The following PLAT variants were observed in gnomAD, a reference collection of about 807,000 sequenced individuals.
PLAT encodes the protein plasminogen activator, tissue type, also known as tissue-type plasminogen activator.
A neutral mutation model predicts 74.9 loss-of-function variants in PLAT; 48 were observed. That is an observed-to-expected ratio of 0.64 (90% confidence interval 0.51 to 0.82). The LOEUF (loss-of-function observed/expected upper bound fraction) is 0.82, where lower values mean the gene tolerates loss of function less well. Among genes scored for constraint, PLAT ranks in the 40% least tolerant of loss-of-function variants. PLAT has a pLI of 0.00. For missense variants in PLAT, 673 were observed against 736.2 expected, an observed-to-expected ratio of 0.91 and a Z score of 0.99; for synonymous variants, 307 against 294.4, an observed-to-expected ratio of 1.04 and a Z score of -0.44.
intron 8 of PLAT, chr8:42,182,267 C>T: frequency 2.4e-6 from 1 of 415,340 alleles, no homozygotes; most frequent in South Asian, 2.2e-5. Flanking sequence ...GAGACTCAGT[C>T]AACCAATGAA....
intron 1 of PLAT, among the ~76,000 whole-genome samples, chr8:42,196,709 C>T (rs149402979): frequency 1.2e-4 from 18 of 151,810 alleles, no homozygotes; most frequent in African/African-American, 3.9e-4. Flanking sequence ...CTGGCGAGAC[C>T]CGGGTGAGAG....
At position 42,185,131 on chromosome 8, in the gene PLAT, T is replaced by A. The variant is rs766524635; in HGVS notation, c.581A>T (p.Lys194Met). Reference protein sequence around the residue: ...RDSKPWCYVFKAGKYSSEFCS... With the variant: ...RDSKPWCYVFMAGKYSSEFCS... The stretch of plus-strand genomic sequence containing the variant: ...GAACTCTGAGCTGTACTTCCCCGCC[T>A]TAAAGACGTAGCACCAGGGCTTTGA... Residue 194 changes from lysine to methionine, a missense_variant, in exon 7 of 14, where the codon AAG becomes ATG. Coordinates refer to ENST00000220809, the MANE Select transcript of PLAT (RefSeq NM_000930.5). 13 of 1,612,656 alleles carry A rather than the reference T, an allele frequency of 8.1e-6. No homozygotes were observed. The highest frequency in any genetic ancestry group is 1.1e-5 in the Non-Finnish European group (13 of 1,179,428).
chr8:42,183,832 A>T (rs915863934), intron 7 of PLAT, among the ~76,000 whole-genome samples: 2 of 152,102 alleles, frequency 1.3e-5, no homozygotes, highest in Non-Finnish European at 2.9e-5. Flanking sequence ...AGTCACAGGC[A>T]TCACCCGTGG....
Position 42,180,065 on chromosome 8 carries a change from C to T in PLAT, c.1224G>A (p.Ala408=), listed in dbSNP as rs748089209. The T allele has an allele frequency of 2.5e-6, 4 of 1,603,480 alleles. No homozygotes were observed. In the Admixed American group the frequency reaches 5.1e-5, roughly 20 times the overall value. The change falls in exon 12 of 14, where the codon GCG becomes GCA. Residue 408 remains alanine (A), a splice_region_variant and synonymous_variant. Transcript: ENST00000220809. ...FDDDTYDNDI[A]LLQLKSDSSR... ...ACGAATCCGATTTCAGCTGCAGCAG[C>T]GCTGGGAGGGAGAAAGGAGGAGTGA... is the stretch of plus-strand genomic sequence containing the variant.
intron 9 of PLAT, among the ~76,000 whole-genome samples, chr8:42,181,598 C>T (rs1020670611): frequency 5.9e-5 from 9 of 152,202 alleles, no homozygotes; most frequent in African/African-American, 2.2e-4. Context: ...ACTTTATTAT[C>T]TAAGGAGCCA....
chr8:42,183,838 C>T (rs1234318087), intron 7 of PLAT, among the ~76,000 whole-genome samples: 1 of 151,884 alleles, frequency 6.6e-6, no homozygotes, highest in Non-Finnish European at 1.5e-5. Flanking sequence ...AGGCATCACC[C>T]GTGGACCTGG....
rs148523981 is a variant in PLAT, at chr8:42,180,314, C to T, written c.1150G>A (p.Glu384Lys). ...RTYRVVPGEE[E>K]QKFEVEKYIV... ...TATTTTTCGACTTCAAATTTCTGCTCCTCCTCGCCAGGGACCACCCGGTAT... is the reference window on the plus strand; with the variant it reads ...TATTTTTCGACTTCAAATTTCTGCTTCTCCTCGCCAGGGACCACCCGGTAT... Residue 384 changes from glutamate to lysine, a missense_variant, in exon 11 of 14, where the codon GAG becomes AAG. Transcript: ENST00000220809. The T allele has an allele frequency of 6.2e-7, 1 of 1,614,106 alleles. No homozygotes were observed. Among genetic ancestry groups the T allele is most frequent in the African/African-American group, 1.3e-5 (1 of 74,948 alleles).
At chr8:42,179,843 C>A in intron 12 of PLAT, 83 bp downstream of exon 12, 1 of 1,390,590 alleles carries the variant, frequency 7.2e-7, no homozygotes, top group South Asian at 1.5e-5. Context: ...ACTTCGGTCT[C>A]CTGACCCCAT....
chr8:42,185,095 G>T lies in PLAT; in HGVS notation c.617C>A (p.Pro206His). The T allele has an allele frequency of 6.2e-7, 1 of 1,608,262 alleles. No homozygotes were observed. Among genetic ancestry groups the T allele is most frequent in the Middle Eastern group, 1.7e-4 (1 of 6,034 alleles). Reference protein sequence around the residue: ...GKYSSEFCSTPACSEGNSDCY... With the variant: ...GKYSSEFCSTHACSEGNSDCY... ...CTGCCACTTACCCTCAGAGCAGGCAGGGGTGCTGCAGAACTCTGAGCTGTA... is the reference window on the plus strand; with the variant it reads ...CTGCCACTTACCCTCAGAGCAGGCATGGGTGCTGCAGAACTCTGAGCTGTA... Residue 206 changes from proline to histidine, a missense_variant, in exon 7 of 14, where the codon CCT (proline) becomes CAT (histidine). Pro to His is a moderately conservative substitution (Grantham distance 77). Coordinates refer to ENST00000220809, the MANE Select transcript of PLAT (RefSeq NM_000930.5).
At chr8:42,194,006 GCC>G (rs60392865) in intron 1 of PLAT, among the ~76,000 whole-genome samples, 2 of 148,560 alleles carry the variant, frequency 1.3e-5, no homozygotes, top group Non-Finnish European at 3.0e-5. Context: ...GAGCCACCGC[GCC>G]CCCGCTGCCT....
chr8:42,194,801 C>G (rs1008124930), intron 1 of PLAT, among the ~76,000 whole-genome samples: 7 of 151,450 alleles, frequency 4.6e-5, no homozygotes, highest in East Asian at 2.0e-4. Flanking sequence ...CCCACCCCCC[C>G]CACCGCTCTG....
intron 8 of PLAT, 86 bp downstream of exon 8, chr8:42,182,633 A>C: frequency 9.7e-7 from 1 of 1,033,412 alleles, no homozygotes. Flanking sequence ...TCTGTCATGC[A>C]ACTTGAGACA....
At chr8:42,200,674 CAAA>C (rs10667666) in intron 1 of PLAT, among the ~76,000 whole-genome samples, 3 of 103,128 alleles carry the variant, frequency 2.9e-5, no homozygotes, top group South Asian at 3.5e-4. Context: ...GATCCTGTCT[CAAA>C]AAAAAAAAAA....
intron 1 of PLAT, among the ~76,000 whole-genome samples, chr8:42,204,363 T>A (rs759023805): frequency 6.6e-6 from 1 of 151,964 alleles, no homozygotes; most frequent in African/African-American, 2.4e-5. Context: ...GTCCCAACAA[T>A]CTCATCAAAG....
At chr8:42,193,325 G>A (rs8178726) in intron 1 of PLAT, 114 bp from the exon 2 acceptor site, 19 of 653,832 alleles carry the variant, frequency 2.9e-5, no homozygotes, top group African/African-American at 1.1e-4. Context: ...CCAGCCCCGC[G>A]GCAGAAACGC....
intron 8 of PLAT, 195 bp from the exon 9 acceptor site, chr8:42,182,217 C>T (rs1006488829): frequency 5.6e-5 from 27 of 478,168 alleles, no homozygotes; most frequent in South Asian, 5.4e-4. Context: ...GATTTTCAAT[C>T]CCATTTTCAG....
chr8:42,190,520 G>A (rs1184491877), intron 3 of PLAT, among the ~76,000 whole-genome samples: 2 of 152,200 alleles, frequency 1.3e-5, no homozygotes, highest in African/African-American at 2.4e-5. Context: ...AGTAGCACGT[G>A]CCCACTGTAA....
At position 42,179,951 on chromosome 8, in the gene PLAT, G is replaced by C; in HGVS notation, c.1338C>G (p.Leu446=). ...AGGCCTCATGCTTGCCGTAGCCGGA[G>C]AGCTCACACTCCGTCCAGTCCGGCA... is the stretch of plus-strand genomic sequence containing the variant. ...LQLPDWTECE[L]SGYGKHEALS... is the part of the protein sequence containing the mutation. The change falls in exon 12 of 14, where the codon CTC becomes CTG. Residue 446 remains leucine, a synonymous_variant. Transcript: ENST00000220809. 1 of 1,604,636 alleles carries C rather than the reference G, an allele frequency of 6.2e-7. No homozygotes were observed. The highest frequency in any genetic ancestry group is 8.5e-7 in the Non-Finnish European group (1 of 1,174,370).
Position 42,188,994 on chromosome 8 carries a change from G to A in PLAT, c.193C>T (p.Arg65Trp), listed in dbSNP as rs776401170. Residue 65 changes from arginine to tryptophan, a missense_variant, in exon 4 of 14, where the codon CGG becomes TGG. By Grantham distance (101) the Arg-to-Trp change is moderately radical. Transcript: ENST00000220809. The part of the protein sequence containing the change: ...SWLRPVLRSN[R>W]VEYCWCNSGR... ...CTGTTGCACCAGCAATATTCCACCCGGTTGCTTCTGAGCACAGGGCGCAGC... is the reference window on the plus strand; with the variant it reads ...CTGTTGCACCAGCAATATTCCACCCAGTTGCTTCTGAGCACAGGGCGCAGC... 13 of 1,613,948 alleles carry A rather than the reference G, an allele frequency of 8.1e-6. No homozygotes were observed. Among genetic ancestry groups the A allele is most frequent in the South Asian group, 1.1e-5 (1 of 91,064 alleles).
Sources: gnomAD v4.1 joint callset for allele counts (sites outside exome capture counted in the v4.1 genomes callset) on GRCh38, gnomAD v4.1.1 for gene constraint, MANE v1.5 for transcripts, NCBI Gene and HGNC (gene_info 2026-07-23, HGNC 2026-07-21) for gene names.